The following TNFAIP8 variants were observed in gnomAD, a reference collection of about 807,000 sequenced individuals.
The protein encoded by TNFAIP8 is tumor necrosis factor alpha-induced protein 8.
TNFAIP8 carries 7 observed loss-of-function variants against 13.3 expected under a neutral mutation model. That is an observed-to-expected ratio of 0.52 (90% confidence interval 0.30 to 0.99). TNFAIP8 has a LOEUF of 0.99. Ranked by LOEUF, TNFAIP8 falls within the 50% of genes least tolerant of loss-of-function variation. The probability of loss-of-function intolerance (pLI) is 0.07; values close to 1 mark genes in which losing one functional copy is unlikely to be tolerated. For synonymous variants in TNFAIP8, 94 were observed against 87.6 expected, an observed-to-expected ratio of 1.07 and a Z score of -0.41; for missense variants, 258 against 236.9, an observed-to-expected ratio of 1.09 and a Z score of -0.58.
chr5:119,366,172 C>T (rs1170494508), intron 1 of TNFAIP8, among the ~76,000 whole-genome samples: 1 of 151,238 alleles, frequency 6.6e-6, no homozygotes, highest in Non-Finnish European at 1.5e-5. Flanking sequence ...GTAATATGTG[C>T]AAAACTTAAG....
chr5:119,367,973 G>A (rs576635758), intron 1 of TNFAIP8, among the ~76,000 whole-genome samples: 3 of 152,246 alleles, frequency 2.0e-5, no homozygotes, highest in African/African-American at 7.2e-5. Flanking sequence ...ATCAGCTAGA[G>A]TCAGTATTCT....
At chr5:119,383,616 C>T (rs1752567147) in intron 1 of TNFAIP8, among the ~76,000 whole-genome samples, 1 of 152,138 alleles carries the variant, frequency 6.6e-6, no homozygotes, top group Non-Finnish European at 1.5e-5. Flanking sequence ...GAATTGCAAG[C>T]CTCCAAGACT....
chr5:119,327,796 G>A (rs185587010), intron 1 of TNFAIP8, among the ~76,000 whole-genome samples: 66 of 152,194 alleles, frequency 4.3e-4, no homozygotes, highest in Admixed American at 3.5e-3. Context: ...TAGGAAGGAG[G>A]TTATTATTAT....
At chr5:119,385,350 C>G (rs991562162) in intron 1 of TNFAIP8, among the ~76,000 whole-genome samples, 2 of 152,212 alleles carry the variant, frequency 1.3e-5, no homozygotes, top group African/African-American at 2.4e-5. Context: ...CATGAGAACG[C>G]TGTGACTTCT....
chr5:119,282,427 T>G (rs1228249204), intron 1 of TNFAIP8, among the ~76,000 whole-genome samples: 1 of 152,218 alleles, frequency 6.6e-6, no homozygotes, highest in African/African-American at 2.4e-5. Flanking sequence ...GCCTTTGTGC[T>G]CCTTGAAACG....
intron 1 of TNFAIP8, among the ~76,000 whole-genome samples, chr5:119,296,035 A>G (rs200503404): frequency 0.065 from 9,805 of 149,706 alleles, 734 homozygotes; most frequent in East Asian, 0.4. Context: ...GGCTGAGACA[A>G]TGGGGTTTTC....
At chr5:119,346,281 A>G (rs1245207913) in intron 1 of TNFAIP8, among the ~76,000 whole-genome samples, 1 of 152,148 alleles carries the variant, frequency 6.6e-6, no homozygotes, top group East Asian at 1.9e-4. Flanking sequence ...GCTGACCATC[A>G]TGTTCAGCAG....
chr5:119,346,024 G>A (rs550180397), intron 1 of TNFAIP8, among the ~76,000 whole-genome samples: 3 of 152,298 alleles, frequency 2.0e-5, no homozygotes, highest in Admixed American at 1.3e-4. Context: ...CCCGTGGGCC[G>A]TGGGTCTGAT....
chr5:119,368,650 G>C (rs1751962547), intron 1 of TNFAIP8, among the ~76,000 whole-genome samples: 2 of 152,150 alleles, frequency 1.3e-5, no homozygotes, highest in Admixed American at 1.3e-4. Flanking sequence ...ACTGTGCCAG[G>C]GAAAGATGAT....
At chr5:119,362,880 G>A (rs1751688664) in intron 1 of TNFAIP8, among the ~76,000 whole-genome samples, 1 of 152,156 alleles carries the variant, frequency 6.6e-6, no homozygotes, top group Non-Finnish European at 1.5e-5. Context: ...ATGCCAAGCT[G>A]GCAAGAACCA....
intron 1 of TNFAIP8, among the ~76,000 whole-genome samples, chr5:119,301,794 C>T (rs575835879): frequency 1.2e-4 from 18 of 152,284 alleles, no homozygotes; most frequent in Admixed American, 2.6e-4. Context: ...GGACCAGAAA[C>T]GCAGTCCTAT....
chr5:119,269,547 C>T (rs1748209717), intron 1 of TNFAIP8, among the ~76,000 whole-genome samples: 1 of 152,176 alleles, frequency 6.6e-6, no homozygotes, highest in African/African-American at 2.4e-5. Context: ...ACGGACTCCT[C>T]GCGACTGATA....
chr5:119,394,311 A>G lies in TNFAIP8; in HGVS notation c.*930A>G, dbSNP rs1753014335. 6.6e-6 allele frequency: 1 copy of G among 152,226 alleles called. No individual in the cohort carries two copies. The highest frequency in any genetic ancestry group is 1.5e-5 in the Non-Finnish European group (1 of 68,046). The allele number at this position is 152,226 out of a possible 1,614,324, so 9.4% of individuals were successfully genotyped here. Reference sequence around the variant, plus strand: ...GGCAAAAGGGGAGAAATACTGCTAAAGAACATGAGCATAAAAATGCGTGCG... The same window carrying G: ...GGCAAAAGGGGAGAAATACTGCTAAGGAACATGAGCATAAAAATGCGTGCG... On this transcript the variant is annotated 3_prime_UTR_variant, in exon 2 of 2. Coordinates refer to ENST00000504771, the MANE Select transcript of TNFAIP8 (RefSeq NM_014350.4).
At chr5:119,330,532 A>G (rs1211436458) in intron 1 of TNFAIP8, among the ~76,000 whole-genome samples, 1 of 152,180 alleles carries the variant, frequency 6.6e-6, no homozygotes, top group African/African-American at 2.4e-5. Flanking sequence ...GTTAGGCCTC[A>G]TGGCCTCTCC....
chr5:119,286,267 C>T (rs1487900149), intron 1 of TNFAIP8, among the ~76,000 whole-genome samples: 1 of 152,142 alleles, frequency 6.6e-6, no homozygotes, highest in East Asian at 1.9e-4. Context: ...CTTCTCAAAA[C>T]AGAAATCTCT....
chr5:119,348,723 A>G (rs1188747003), intron 1 of TNFAIP8, among the ~76,000 whole-genome samples: 3 of 152,052 alleles, frequency 2.0e-5, no homozygotes, highest in African/African-American at 7.2e-5. Context: ...TCTACTAAAA[A>G]TACAAAATTA....
At chr5:119,361,428 G>A (rs1751631048) in intron 1 of TNFAIP8, among the ~76,000 whole-genome samples, 1 of 152,170 alleles carries the variant, frequency 6.6e-6, no homozygotes, top group Non-Finnish European at 1.5e-5. Flanking sequence ...AGTTAAGCTG[G>A]TATTTATATG....
chr5:119,297,383 C>T (rs958481015), intron 1 of TNFAIP8, among the ~76,000 whole-genome samples: 2 of 152,112 alleles, frequency 1.3e-5, no homozygotes, highest in African/African-American at 4.8e-5. Flanking sequence ...CATTCAGGAG[C>T]AGGTTGTTCA....
intron 1 of TNFAIP8, among the ~76,000 whole-genome samples, chr5:119,310,311 G>GAAA (rs1169794466): frequency 8.2e-4 from 125 of 152,314 alleles, no homozygotes; most frequent in Non-Finnish European, 1.5e-3. Context: ...GGAGAGCCCT[G>GAAA]AGTGGAGGGA....
Sources: allele counts gnomAD v4.1 joint callset (sites outside exome capture counted in the v4.1 genomes callset), GRCh38; gene constraint gnomAD v4.1.1; transcripts MANE v1.5; gene names NCBI Gene and HGNC (gene_info 2026-07-23, HGNC 2026-07-21).